DCUN1D1: variants seen among roughly 807,000 people sequenced by gnomAD.
The protein encoded by DCUN1D1 is defective in cullin neddylation 1 domain containing 1, also known as DCN1-like protein 1.
DCUN1D1 carries 3 observed loss-of-function variants against 39.0 expected under a neutral mutation model. That is an observed-to-expected ratio of 0.08 (90% CI 0.04 to 0.20). DCUN1D1 has a LOEUF of 0.20. Among genes scored for constraint, DCUN1D1 ranks in the 10% least tolerant of loss-of-function variants. The pLI, the probability that DCUN1D1 is intolerant of heterozygous loss-of-function variation, is 1.00. For missense variants in DCUN1D1, 158 were observed against 302.4 expected (o/e 0.52, Z 3.54); for synonymous variants, 82 against 96.3 (o/e 0.85, Z 0.87).
chr3:182,978,808 A>C (rs1046740269), intron 1 of DCUN1D1, among the ~76,000 whole-genome samples: 1 of 152,220 alleles, frequency 6.6e-6, no homozygotes, highest in Non-Finnish European at 1.5e-5. Flanking sequence ...GCTAAGTTTC[A>C]AAACTAGCTA....
rs1456238809 is a variant in DCUN1D1 at position 182,944,179 on chromosome 3, C to T, written c.*915G>A. 1 of 152,496 alleles carries T rather than the reference C, an allele frequency of 6.6e-6. No individual in the cohort carries two copies. Among genetic ancestry groups the T allele is most frequent in the African/African-American group, 2.4e-5 (1 of 41,404 alleles). The allele number at this position is 152,496 out of a possible 1,614,324, so 9.4% of individuals were successfully genotyped here. A position where few individuals can be genotyped will look rare whatever the true frequency, so the allele number is the denominator to read the frequency against. ...AAAGTAAAAACAAAACAAAAAAACC[C>T]TCATGCCTAAATTTAGAATATTGTA... is the stretch of plus-strand genomic sequence containing the variant. On this transcript the variant is annotated 3_prime_UTR_variant, in exon 7 of 7. Coordinates refer to ENST00000292782, the MANE Select transcript of DCUN1D1 (RefSeq NM_020640.4).
chr3:182,976,864 T>C (rs1728265791), intron 1 of DCUN1D1, among the ~76,000 whole-genome samples: 1 of 152,224 alleles, frequency 6.6e-6, no homozygotes, highest in African/African-American at 2.4e-5. Flanking sequence ...GATAACCTCC[T>C]TTATTTGTAG....
upstream of DCUN1D1, among the ~76,000 whole-genome samples, chr3:182,981,375 G>C (rs74554672): frequency 1.1e-3 from 166 of 152,306 alleles, no homozygotes; most frequent in African/African-American, 3.7e-3. Context: ...GGACAGTCCA[G>C]GTGTGACCTG....
chr3:182,962,661 G>T (rs1727459351), intron 3 of DCUN1D1, among the ~76,000 whole-genome samples: 1 of 152,180 alleles, frequency 6.6e-6, no homozygotes, highest in African/African-American at 2.4e-5. Flanking sequence ...ACTTCCCAGA[G>T]GTGGTAGCAG....
At chr3:182,948,543 A>AG (rs1209608647) in intron 4 of DCUN1D1, among the ~76,000 whole-genome samples, 2 of 152,254 alleles carry the variant, frequency 1.3e-5, no homozygotes, top group Non-Finnish European at 2.9e-5. Context: ...CACATGACAG[A>AG]GAACTATGAT....
intron 1 of DCUN1D1, among the ~76,000 whole-genome samples, chr3:182,974,151 C>A (rs1309095444): frequency 1.3e-5 from 2 of 152,064 alleles, no homozygotes; most frequent in Non-Finnish European, 2.9e-5. Flanking sequence ...ACTCAGGAGG[C>A]TGAGGCAGGA....
rs1258020275 is a variant in DCUN1D1, at chr3:182,950,482, C to CT, written c.521-2851dup. On this transcript the variant is annotated intron_variant, in intron 4 of 6. Coordinates refer to ENST00000292782, the MANE Select transcript of DCUN1D1 (RefSeq NM_020640.4). ...TATCTTTTAAAAATCTTTCTTGGATCTTTTTTTTTGACCAATCAAAATAGG... is the reference window on the plus strand; with the variant it reads ...TATCTTTTAAAAATCTTTCTTGGATCTTTTTTTTTTGACCAATCAAAATAGG... Among the ~76,000 whole-genome samples the CT allele has an allele frequency of 1.1e-4, 16 of 150,642 alleles. No homozygotes were observed. In the East Asian group the frequency reaches 1.4e-3, roughly 13 times the overall value.
At chr3:182,954,586 CA>C (rs1726931005) in intron 4 of DCUN1D1, among the ~76,000 whole-genome samples, 1 of 151,878 alleles carries the variant, frequency 6.6e-6, no homozygotes, top group Non-Finnish European at 1.5e-5. Flanking sequence ...AAATTCTATG[CA>C]TTTTTTTCTG....
rs1726279985 is a variant in DCUN1D1, at chr3:182,944,210, T to C, written c.*884A>G. 6.6e-6 allele frequency: 1 copy of C among 152,630 alleles called. No homozygotes were observed. The highest frequency in any genetic ancestry group is 1.9e-4 in the East Asian group (1 of 5,204). The allele number at this position is 152,630 out of a possible 1,614,324, so 9.5% of individuals were successfully genotyped here. A position where few individuals can be genotyped will look rare whatever the true frequency, so the allele number is the denominator to read the frequency against. On this transcript the variant is annotated 3_prime_UTR_variant, in exon 7 of 7. Coordinates refer to ENST00000292782, the MANE Select transcript of DCUN1D1 (RefSeq NM_020640.4). ...CCTAAATTTAGAATATTGTATTGTG[T>C]AGCAATCCAAAACATTCAAAACAAA...
intron 4 of DCUN1D1, chr3:182,955,396 T>A (rs1577170566): frequency 1.8e-6 from 1 of 543,496 alleles, no homozygotes; most frequent in East Asian, 5.1e-5. Flanking sequence ...AGAATAGCAA[T>A]GTCTTCTTCT....
intron 5 of DCUN1D1, 73 bp from the exon 6 acceptor site, chr3:182,947,407 G>C: frequency 8.4e-7 from 1 of 1,192,748 alleles, no homozygotes. Context: ...TGGACAATTT[G>C]AAATACAAGA....
chr3:182,964,684 A>C (rs921881242), intron 2 of DCUN1D1, among the ~76,000 whole-genome samples: 2 of 125,542 alleles, frequency 1.6e-5, no homozygotes, highest in Admixed American at 2.1e-4. Context: ...TCTGTCACCC[A>C]GGCTGGAGTG....
At chr3:182,961,478 G>A (rs1023825801) in intron 3 of DCUN1D1, 122 bp from the exon 4 acceptor site, 19 of 915,892 alleles carry the variant, frequency 2.1e-5, no homozygotes, top group African/African-American at 1.0e-4. Flanking sequence ...CAAATAGTTC[G>A]AATTCAGTCT....
intron 1 of DCUN1D1, among the ~76,000 whole-genome samples, chr3:182,974,336 GTCA>G (rs1261237607): frequency 6.6e-6 from 1 of 152,082 alleles, no homozygotes; most frequent in Non-Finnish European, 1.5e-5. Flanking sequence ...ACCTGGATTA[GTCA>G]TCATATCGCA....
rs1047767266 is a variant in DCUN1D1 at position 182,941,542 on chromosome 3, T to C, written c.*3552A>G. On this transcript the variant is annotated 3_prime_UTR_variant, in exon 7 of 7. Coordinates refer to ENST00000292782, the MANE Select transcript of DCUN1D1 (RefSeq NM_020640.4). ...AATTCAGGTTTTGTGTCCCCATTTA[T>C]ATGTTAAATAGTTCACATTTAAAAA... 2 of 152,150 alleles carry C rather than the reference T, an allele frequency of 1.3e-5. No individual in the cohort carries two copies. Among genetic ancestry groups the C allele is most frequent in the Non-Finnish European group, 2.9e-5 (2 of 67,982 alleles). The allele number at this position is 152,150 out of a possible 1,614,324, so 9.4% of individuals were successfully genotyped here. A position where few individuals can be genotyped will look rare whatever the true frequency, so the allele number is the denominator to read the frequency against.
chr3:182,956,268 G>C (rs1234358969), intron 4 of DCUN1D1: 1 of 289,162 alleles, frequency 3.5e-6, no homozygotes, highest in Admixed American at 3.4e-5. Context: ...TGGTGCTTCT[G>C]AGGCCTGGAA....
At chr3:182,947,162 A>G (rs1219161507) in intron 6 of DCUN1D1, 76 bp downstream of exon 6, 11 of 751,180 alleles carry the variant, frequency 1.5e-5, no homozygotes, top group Non-Finnish European at 2.1e-5. Context: ...AGAAAAACAA[A>G]AGTACCTAAG....
In DCUN1D1 at chr3:182,947,619, G is replaced by A. The variant is rs1726481846; in HGVS notation, c.534C>T (p.Ala178=). The part of the protein sequence containing the change: ...PGQKGLDLEM[A]IAYWNLVLNG... The stretch of plus-strand genomic sequence containing the variant: ...TAAGCACTAAGTTCCAGTAGGCAAT[G>A]GCCATTTCTAGATCTGAAATAGTAA... Residue 178 remains alanine, a synonymous_variant, in exon 5 of 7, where the codon GCC becomes GCT. Transcript: ENST00000292782. 6.4e-7 allele frequency: 1 copy of A among 1,562,602 alleles called. No homozygotes were observed. The highest frequency in any genetic ancestry group is 1.2e-5 in the South Asian group (1 of 86,716).
chr3:182,975,175 A>ATTTT (rs769384130), intron 1 of DCUN1D1, among the ~76,000 whole-genome samples: 1 of 138,652 alleles, frequency 7.2e-6, no homozygotes, highest in African/African-American at 2.7e-5. Context: ...TTAACACAGA[A>ATTTT]TTTTTTTTTT....
Sources: allele counts gnomAD v4.1 joint callset (sites outside exome capture counted in the v4.1 genomes callset), GRCh38; gene constraint gnomAD v4.1.1; transcripts MANE v1.5; gene names NCBI Gene and HGNC (gene_info 2026-07-23, HGNC 2026-07-21).